MRPL23: variants seen among roughly 807,000 people sequenced by gnomAD.
The protein encoded by MRPL23 is mitochondrial ribosomal protein L23, also known as large ribosomal subunit protein uL23m.
For synonymous variants in MRPL23, 12 were observed against 34.8 expected (o/e 0.35, Z 2.30); for missense variants, 25 against 81.3 (o/e 0.31, Z 2.66).
In MRPL23 at chr11:1,953,697, C is replaced by T. The variant is rs891713807; in HGVS notation, c.297+842C>T. 3.0e-5 allele frequency among the ~76,000 whole-genome samples: 3 copies of T among 99,322 alleles called. 1 individual carries two copies. Among genetic ancestry groups the T allele is most frequent in the African/African-American group, 1.2e-4 (3 of 24,486 alleles). 65.2% of individuals were successfully genotyped at this position (99,322 alleles called of 152,430 possible). A position where few individuals can be genotyped will look rare whatever the true frequency, so the allele number is the denominator to read the frequency against. ...AAATGGTCCCTGGAGGCCGAGCCGGCGGGCCCTGCCACTAGATGGCAGTCA... is the reference window on the plus strand; with the variant it reads ...AAATGGTCCCTGGAGGCCGAGCCGGTGGGCCCTGCCACTAGATGGCAGTCA... On this transcript the variant is annotated intron_variant, in intron 4 of 4. Transcript: ENST00000397298.
Position 1,971,801 on chromosome 11 carries a change from C to T in MRPL23, c.298-758C>T, listed in dbSNP as rs181279840. 3.0e-3 allele frequency among the ~76,000 whole-genome samples: 396 copies of T among 130,710 alleles called. 9 individuals carry two copies. The highest frequency in any genetic ancestry group is 9.9e-3 in the African/African-American group (375 of 37,710). The allele number at this position is 130,710 out of a possible 152,430, so 85.8% of individuals were successfully genotyped here. ...CCATGACCCTTAGCGGGTGACACGT[C>T]AGGACAGAGAGGGCAGCTGAGGGCA... On this transcript the variant is annotated intron_variant, in intron 4 of 4. Transcript: ENST00000397294.
At chr11:1,965,201 GC>G (rs1251580949), downstream of MRPL23, among the ~76,000 whole-genome samples, 4 of 115,380 alleles carry the variant, frequency 3.5e-5, no homozygotes, top group African/African-American at 5.8e-5. Flanking sequence ...CGGGAGGAGG[GC>G]CCCCCAAGCA....
intron 5 of MRPL23, chr11:1,983,883 C>A: frequency 7.7e-6 from 1 of 129,162 alleles, no homozygotes; most frequent in Non-Finnish European, 1.8e-5. Flanking sequence ...CCGCACCATT[C>A]CTCCCAGGGT....
intron 4 of MRPL23, chr11:1,953,386 G>C (rs1856348935): frequency 1.0e-5 from 1 of 96,162 alleles, no homozygotes; most frequent in Admixed American, 1.4e-4. Context: ...TCAGCAGGCT[G>C]CTTCTGAGCA....
the MRPL23 span, among the ~76,000 whole-genome samples, chr11:1,992,605 AC>A: frequency 2.3e-5 from 1 of 43,776 alleles, no homozygotes; most frequent in Admixed American, 2.3e-4. Context: ...CACAACCCTC[AC>A]CCCGGCCCCG....
chr11:1,971,290 GC>G (rs938129635), intron 4 of MRPL23, among the ~76,000 whole-genome samples: 1 of 107,546 alleles, frequency 9.3e-6, no homozygotes, highest in African/African-American at 2.7e-5. Context: ...CACACAGAGG[GC>G]CCCCCAGTGC....
chr11:1,959,325 C>G (rs556860857), downstream of MRPL23, among the ~76,000 whole-genome samples: 3 of 75,506 alleles, frequency 4.0e-5, no homozygotes, highest in African/African-American at 1.2e-4. Flanking sequence ...GTGCCGCACC[C>G]ATGGAGCTGA....
At chr11:1,953,691 A>G (rs1856354880) in intron 4 of MRPL23, among the ~76,000 whole-genome samples, 1 of 99,426 alleles carries the variant, frequency 1.0e-5, no homozygotes, top group Non-Finnish European at 2.0e-5. Flanking sequence ...CTGGAGGCCG[A>G]GCCGGCGGGC....
the MRPL23 span, among the ~76,000 whole-genome samples, chr11:1,991,550 TCACACACACACACACA>T: frequency 0.013 from 872 of 67,816 alleles, 51 homozygotes; most frequent in African/African-American, 0.029. Context: ...TTGTCAGGCA[TCACACACACACACACA>T]CACACACACA....
intron 5 of MRPL23, chr11:1,983,856 G>A (rs1856780945): frequency 7.3e-6 from 1 of 137,362 alleles, no homozygotes; most frequent in African/African-American, 2.6e-5. Context: ...ATGTCCTCTT[G>A]GAGCAAAAAA....
chr11:1,990,609 C>CA, the MRPL23 span, among the ~76,000 whole-genome samples: 34 of 66,448 alleles, frequency 5.1e-4, no homozygotes, highest in African/African-American at 1.8e-3. Flanking sequence ...GCCTCCAGGG[C>CA]CGGCCCCACT....
the MRPL23 span, chr11:1,992,278 A>G: frequency 4.0e-5 from 4 of 99,940 alleles, no homozygotes; most frequent in Admixed American, 1.0e-4. Context: ...CCTCGGTGAC[A>G]AGGTAGCTGA....
downstream of MRPL23, among the ~76,000 whole-genome samples, chr11:1,958,064 G>A (rs1340001123): frequency 2.3e-5 from 3 of 131,676 alleles, no homozygotes; most frequent in Admixed American, 8.7e-5. Context: ...CCCACGGCGC[G>A]GCTTTCTTGC....
Position 1,952,140 on chromosome 11 carries a change from GACCTCAGGAATT to G in MRPL23, c.160_171del (p.Arg54_Leu57del), listed in dbSNP as rs757881887. ...CTTCGCCTCCAGAATGACAAGGGTG[GACCTCAGGAATT>G]ACCTCGAGGGCATCTATAACGTGCC... is the stretch of plus-strand genomic sequence containing the variant. On this transcript the variant is annotated inframe_deletion, in exon 3 of 5. Transcript: ENST00000397298. 12 of 130,964 alleles carry G rather than the reference GACCTCAGGAATT, an allele frequency of 9.2e-5. 1 individual carries two copies. The highest frequency in any genetic ancestry group is 1.2e-4 in the Non-Finnish European group (11 of 88,448). 8.1% of individuals were successfully genotyped at this position (130,964 alleles called of 1,614,324 possible). A position where few individuals can be genotyped will look rare whatever the true frequency, so the allele number is the denominator to read the frequency against.
At chr11:1,957,920 G>GC (rs1158702191), downstream of MRPL23, among the ~76,000 whole-genome samples, 2 of 115,158 alleles carry the variant, frequency 1.7e-5, no homozygotes, top group African/African-American at 6.1e-5. Flanking sequence ...CCAGAGCAAG[G>GC]CCCCCTCCCT....
At chr11:1,971,102 T>A (rs1856604528) in intron 4 of MRPL23, among the ~76,000 whole-genome samples, 1 of 145,852 alleles carries the variant, frequency 6.9e-6, no homozygotes, top group Non-Finnish European at 1.5e-5. Context: ...GGCCCCGGCC[T>A]GGCCACAGCC....
chr11:1,958,117 CAGA>C (rs1476138685), downstream of MRPL23, among the ~76,000 whole-genome samples: 2 of 140,926 alleles, frequency 1.4e-5, no homozygotes, highest in East Asian at 2.1e-4. Flanking sequence ...TGCGAATGCT[CAGA>C]AGAACACAGG....
intron 4 of MRPL23, among the ~76,000 whole-genome samples, chr11:1,953,700 G>A (rs1856355321): frequency 1.0e-5 from 1 of 99,172 alleles, no homozygotes; most frequent in African/African-American, 4.1e-5. Context: ...GAGCCGGCGG[G>A]CCCTGCCACT....
chr11:1,988,990 C>T (rs944505082), downstream of MRPL23, among the ~76,000 whole-genome samples: 1 of 141,394 alleles, frequency 7.1e-6, no homozygotes, highest in Non-Finnish European at 1.6e-5. Context: ...GGAGACAGTC[C>T]CCAGCCCCTG....
Sources: allele counts gnomAD v4.1 joint callset (sites outside exome capture counted in the v4.1 genomes callset), GRCh38; gene constraint gnomAD v4.1.1; transcripts MANE v1.5; gene names NCBI Gene and HGNC (gene_info 2026-07-23, HGNC 2026-07-21).